The following ARMC8 variants were observed in gnomAD, a reference collection of about 807,000 sequenced individuals.
The protein encoded by ARMC8 is armadillo repeat-containing protein 8.
Under a neutral mutation model 99.3 loss-of-function variants are expected in ARMC8, and 20 were observed. The observed-to-expected ratio is 0.20, with a 90% CI of 0.14 to 0.29. The LOEUF is 0.29. Among genes scored for constraint, ARMC8 ranks in the 10% least tolerant of loss-of-function variants. ARMC8 has a pLI of 1.00. For missense variants in ARMC8, 569 were observed against 809.5 expected (o/e 0.70, Z 3.60); for synonymous variants, 263 against 278.3 (o/e 0.95, Z 0.55).
At chr3:138,281,176 C>G (rs2049874985) in intron 18 of ARMC8, among the ~76,000 whole-genome samples, 1 of 152,042 alleles carries the variant, frequency 6.6e-6, no homozygotes, top group Non-Finnish European at 1.5e-5. Flanking sequence ...TCCAGTTGTT[C>G]ATATTAGTAT....
intron 21 of ARMC8, among the ~76,000 whole-genome samples, chr3:138,291,381 C>T (rs1330484427): frequency 6.6e-6 from 1 of 152,362 alleles, no homozygotes; most frequent in East Asian, 1.9e-4. Context: ...CGTGCATTTA[C>T]ACATTCTGTT....
At chr3:138,259,181 T>C (rs540435743) in intron 12 of ARMC8, among the ~76,000 whole-genome samples, 1 of 152,336 alleles carries the variant, frequency 6.6e-6, no homozygotes, top group South Asian at 2.1e-4. Flanking sequence ...ACATGTTTTA[T>C]TGCTCTTGGT....
chr3:138,244,999 T>G (rs2046816283), intron 11 of ARMC8, 89 bp from the exon 12 acceptor site: 3 of 1,496,638 alleles, frequency 2.0e-6, no homozygotes, highest in Non-Finnish European at 2.7e-6. Flanking sequence ...ATCTAAAAGT[T>G]GTAAACTTTT....
intron 7 of ARMC8, among the ~76,000 whole-genome samples, chr3:138,236,933 T>C (rs2046363534): frequency 6.6e-6 from 1 of 152,234 alleles, no homozygotes. Context: ...GTTCCCTGTC[T>C]CCAATCCATA....
At chr3:138,193,132 C>A (rs1281465181) in intron 1 of ARMC8, among the ~76,000 whole-genome samples, 5 of 151,922 alleles carry the variant, frequency 3.3e-5, no homozygotes, top group Non-Finnish European at 5.9e-5. Flanking sequence ...CCATGCCTGG[C>A]TAATTTTTGT....
rs539418203 is a variant in ARMC8, at chr3:138,223,415, C to T, written c.221C>T (p.Thr74Ile). ...PRLLYLLQQE[T>I]SSTELKTECA... ...TTGTTGTACTTGCTTCAGCAAGAAA[C>T]CTCAAGCACAGAGCTGAAAACTGAA... Residue 74 changes from threonine (T) to isoleucine (I), a missense_variant, in exon 4 of 22, where the codon ACC becomes ATC. Coordinates refer to ENST00000469044, the MANE Select transcript of ARMC8 (RefSeq NM_001363941.2). 2.0e-5 allele frequency: 33 copies of T among 1,614,058 alleles called. No individual in the cohort carries two copies. In the South Asian group the frequency reaches 3.3e-4, roughly 16 times the overall value.
At position 138,234,991 on chromosome 3, in the gene ARMC8, C is replaced by A; in HGVS notation, c.529-43C>A. ...TAAATGTGGTTTTATTGGAATGAGTCATTACTCTTCTAAATATATTGTTGT... is the reference window on the plus strand; with the variant it reads ...TAAATGTGGTTTTATTGGAATGAGTAATTACTCTTCTAAATATATTGTTGT... On this transcript the variant is annotated intron_variant, in intron 6 of 21. Transcript: ENST00000469044. 3 of 1,478,762 alleles carry A rather than the reference C, an allele frequency of 2.0e-6. No homozygotes were observed. The South Asian group carries it at 3.4e-5, about 17-fold the overall frequency. 91.6% of individuals were successfully genotyped at this position (1,478,762 alleles called of 1,614,324 possible).
At chr3:138,209,300 A>T (rs1459325588) in intron 1 of ARMC8, among the ~76,000 whole-genome samples, 1 of 152,232 alleles carries the variant, frequency 6.6e-6, no homozygotes, top group Non-Finnish European at 1.5e-5. Flanking sequence ...GGCTCGCCAC[A>T]AAGGTCCCAC....
At chr3:138,227,945 A>G (rs2045778161) in intron 5 of ARMC8, among the ~76,000 whole-genome samples, 2 of 152,130 alleles carry the variant, frequency 1.3e-5, no homozygotes, top group South Asian at 4.1e-4. Context: ...AATACCTTTC[A>G]ACTTTTAACT....
At position 138,292,919 on chromosome 3, in the gene ARMC8, G is replaced by A. The variant is rs547801854; in HGVS notation, c.1988+2280G>A. Among the ~76,000 whole-genome samples the A allele has an allele frequency of 4.6e-5, 7 of 152,248 alleles. No homozygotes were observed. The South Asian group carries it at 6.2e-4, about 14-fold the overall frequency. On this transcript the variant is annotated intron_variant, in intron 21 of 21. Transcript: ENST00000469044. ...TAGTGAGGCAGGCAGAGACTCAGGC[G>A]CATAAGGTGTCCAGAAAACAAAGGA...
Position 138,246,101 on chromosome 3 carries a change from G to A in ARMC8, c.1134+918G>A, listed in dbSNP as rs367720154. ...TTAGAGTTTACCATGATTCAGAGAA[G>A]TTCTTCAGGCCTGTAGAAAGAGGAG... is the stretch of plus-strand genomic sequence containing the variant. On this transcript the variant is annotated intron_variant, in intron 12 of 21. Transcript: ENST00000469044. 6 of 985,160 alleles carry A rather than the reference G, an allele frequency of 6.1e-6. No homozygotes were observed. The African/African-American group carries it at 1.0e-4, about 17-fold the overall frequency. 61.0% of individuals were successfully genotyped at this position (985,160 alleles called of 1,614,324 possible).
intron 12 of ARMC8, among the ~76,000 whole-genome samples, chr3:138,256,457 C>T (rs182589564): frequency 3.9e-3 from 549 of 140,228 alleles, no homozygotes; most frequent in Middle Eastern, 0.017. Context: ...TTCGCCCAGG[C>T]CGGAGTGCAG....
At chr3:138,237,821 C>T (rs1447369409) in intron 9 of ARMC8, among the ~76,000 whole-genome samples, 1 of 152,142 alleles carries the variant, frequency 6.6e-6, no homozygotes, top group Non-Finnish European at 1.5e-5. Flanking sequence ...TACTTTATTA[C>T]ATCCTCAAAC....
intron 10 of ARMC8, 133 bp downstream of exon 10, chr3:138,239,661 A>G (rs1483982667): frequency 1.6e-5 from 8 of 500,472 alleles, no homozygotes; most frequent in Non-Finnish European, 2.7e-5. Context: ...ATATTGAAAG[A>G]CCATGCTTTC....
At chr3:138,285,429 CTT>C (rs1184314101) in intron 19 of ARMC8, among the ~76,000 whole-genome samples, 4 of 152,144 alleles carry the variant, frequency 2.6e-5, no homozygotes, top group African/African-American at 9.7e-5. Flanking sequence ...TTATTCCTCT[CTT>C]CCTTTGTTCA....
At chr3:138,280,853 C>T (rs2049833115) in intron 18 of ARMC8, among the ~76,000 whole-genome samples, 1 of 152,136 alleles carries the variant, frequency 6.6e-6, no homozygotes, top group Admixed American at 6.5e-5. Flanking sequence ...ACCTCAAACT[C>T]TTGACCTCAA....
intron 12 of ARMC8, among the ~76,000 whole-genome samples, chr3:138,261,108 C>T (rs2047699937): frequency 6.6e-6 from 1 of 152,166 alleles, no homozygotes; most frequent in Admixed American, 6.5e-5. Context: ...CATGATTGAA[C>T]TAACCCAGCC....
At chr3:138,268,249 A>T (rs2048462062) in intron 15 of ARMC8, among the ~76,000 whole-genome samples, 1 of 152,196 alleles carries the variant, frequency 6.6e-6, no homozygotes, top group Admixed American at 6.5e-5. Context: ...TCTAAAAAAT[A>T]AAACAAAACA....
intron 12 of ARMC8, chr3:138,246,322 T>C (rs2046879139): frequency 3.0e-6 from 3 of 985,696 alleles, no homozygotes; most frequent in Middle Eastern, 1.0e-3. Context: ...TGAAGTGTTT[T>C]TAGTGTATCC....
Sources: allele counts gnomAD v4.1 joint callset (sites outside exome capture counted in the v4.1 genomes callset), GRCh38; gene constraint gnomAD v4.1.1; transcripts MANE v1.5; gene names NCBI Gene and HGNC (gene_info 2026-07-23, HGNC 2026-07-21).